The following SDK1 variants were observed in gnomAD, a reference collection of about 807,000 sequenced individuals.
The protein encoded by SDK1 is sidekick cell adhesion molecule 1, also known as protein sidekick-1.
A neutral mutation model predicts 245.5 loss-of-function variants in SDK1; 157 were observed. The ratio of observed to expected loss-of-function variants is 0.64; its 90% CI spans 0.56 to 0.73. The LOEUF is 0.73. Ranked by LOEUF, SDK1 falls within the 30% of genes least tolerant of loss-of-function variation. The pLI is 0.00. For missense variants in SDK1, 3,583 were observed against 3,002.3 expected (o/e 1.19, Z -4.52); for synonymous variants, 1,647 against 1,278.5 (o/e 1.29, Z -6.15).
intron 4 of SDK1, among the ~76,000 whole-genome samples, chr7:3,670,145 C>G (rs1378631521): frequency 6.6e-6 from 1 of 152,110 alleles, no homozygotes; most frequent in East Asian, 1.9e-4. Flanking sequence ...TTTATTTTGT[C>G]TTCTCTCTCC....
At chr7:3,361,203 C>T (rs182448029) in intron 1 of SDK1, among the ~76,000 whole-genome samples, 39 of 152,252 alleles carry the variant, frequency 2.6e-4, no homozygotes, top group African/African-American at 7.2e-4. Context: ...GTAAACTCTT[C>T]GGGAGATTGA....
chr7:3,653,286 A>C (rs1783064851), intron 4 of SDK1, among the ~76,000 whole-genome samples: 1 of 151,244 alleles, frequency 6.6e-6, no homozygotes, highest in Admixed American at 6.6e-5. Flanking sequence ...TTCCCTCCTC[A>C]CTCCAGGGTC....
At chr7:4,077,237 G>A (rs1395755584) in intron 21 of SDK1, 48 bp downstream of exon 21, 1 of 1,563,410 alleles carries the variant, frequency 6.4e-7, no homozygotes, top group Non-Finnish European at 8.7e-7. Flanking sequence ...TTCTCTTGGA[G>A]ATTCCCGAGG....
At position 3,951,817 on chromosome 7, in the gene SDK1, C is replaced by T. The variant is rs370124585; in HGVS notation, c.1047C>T (p.Ile349=). 1.2e-6 allele frequency: 2 copies of T among 1,613,764 alleles called. No individual in the cohort carries two copies. The highest frequency in any genetic ancestry group is 1.3e-5 in the African/African-American group (1 of 74,916). The change falls in exon 7 of 45, where the codon ATC becomes ATT. Residue 349 remains isoleucine, a synonymous_variant. Transcript: ENST00000404826. ...ACAGCTTTGGAAGACGCCTCACCAT[C>T]AGCAACCCGACGTCCGCGGACACCG... The part of the protein sequence containing the change: ...GLHSFGRRLT[I]SNPTSADTGP...
chr7:3,606,879 A>C (rs1296804343), intron 1 of SDK1, among the ~76,000 whole-genome samples: 1 of 152,170 alleles, frequency 6.6e-6, no homozygotes, highest in Non-Finnish European at 1.5e-5. Context: ...AACCAAAATA[A>C]CACAACTTAT....
intron 12 of SDK1, among the ~76,000 whole-genome samples, chr7:3,972,853 G>C (rs771624877): frequency 1.3e-5 from 2 of 152,198 alleles, no homozygotes; most frequent in Non-Finnish European, 2.9e-5. Context: ...GTTTAGGTAC[G>C]TGGGTGCCGA....
intron 4 of SDK1, among the ~76,000 whole-genome samples, chr7:3,817,029 T>A (rs1369289128): frequency 2.0e-5 from 3 of 152,194 alleles, no homozygotes; most frequent in African/African-American, 7.2e-5. Context: ...AAGTTATTAT[T>A]TTACTAAACA....
At chr7:4,257,673 TG>T (rs1787715085) in intron 44 of SDK1, among the ~76,000 whole-genome samples, 1 of 152,208 alleles carries the variant, frequency 6.6e-6, no homozygotes, top group Non-Finnish European at 1.5e-5. Flanking sequence ...AAAAGCCTCT[TG>T]GAGCCTCGTG....
chr7:4,130,424 C>G (rs1171726765), intron 27 of SDK1: 2 of 329,242 alleles, frequency 6.1e-6, no homozygotes, highest in African/African-American at 4.3e-5. Context: ...GGCAGGGGCT[C>G]CACACACTTC....
intron 4 of SDK1, among the ~76,000 whole-genome samples, chr7:3,685,188 C>G (rs1349122800): frequency 7.0e-6 from 1 of 143,722 alleles, no homozygotes; most frequent in East Asian, 2.0e-4. Context: ...CAAGACACAT[C>G]ATAAATAAAC....
At chr7:3,805,666 T>C (rs1000423892) in intron 4 of SDK1, among the ~76,000 whole-genome samples, 2 of 152,174 alleles carry the variant, frequency 1.3e-5, no homozygotes, top group African/African-American at 2.4e-5. Context: ...CAGTAAGTGC[T>C]CAATAATTGT....
intron 4 of SDK1, among the ~76,000 whole-genome samples, chr7:3,659,117 C>A (rs992292201): frequency 5.9e-5 from 9 of 152,246 alleles, no homozygotes; most frequent in East Asian, 1.9e-4. Flanking sequence ...TTGTCTTTTT[C>A]GCTTTCTTTT....
intron 4 of SDK1, among the ~76,000 whole-genome samples, chr7:3,738,949 T>A (rs1316215316): frequency 6.6e-6 from 1 of 151,154 alleles, no homozygotes; most frequent in Non-Finnish European, 1.5e-5. Context: ...ATGTATAAGA[T>A]CAATTATTTT....
chr7:4,138,167 G>C (rs190941972), intron 28 of SDK1, among the ~76,000 whole-genome samples: 1 of 152,176 alleles, frequency 6.6e-6, no homozygotes, highest in Non-Finnish European at 1.5e-5. Flanking sequence ...TCTGCAATTA[G>C]CAGGGATGCC....
rs148818130 is a variant in SDK1 at position 3,303,463 on chromosome 7, T to A, written c.298+1579T>A. On this transcript the variant is annotated intron_variant, in intron 1 of 44. Coordinates refer to ENST00000404826, the MANE Select transcript of SDK1 (RefSeq NM_152744.4). ...TTGTTTTGAAGTATATTACATAGAT[T>A]TCAAGTTTTTATCAGTTGCACTTTG... Among the ~76,000 whole-genome samples the A allele has an allele frequency of 4.4e-3, 672 of 152,342 alleles. 7 individuals are homozygous for A. The highest frequency in any genetic ancestry group is 0.015 in the African/African-American group (617 of 41,576).
chr7:3,382,165 C>G (rs1381395944), intron 1 of SDK1, among the ~76,000 whole-genome samples: 3 of 151,460 alleles, frequency 2.0e-5, no homozygotes, highest in East Asian at 1.9e-4. Context: ...GAGACAGGGT[C>G]TACCTTTGTT....
intron 1 of SDK1, among the ~76,000 whole-genome samples, chr7:3,541,633 T>C (rs1409076295): frequency 6.6e-6 from 1 of 152,222 alleles, no homozygotes; most frequent in Non-Finnish European, 1.5e-5. Context: ...ATTTGGTATT[T>C]ATTTTTCTCT....
At chr7:3,991,735 C>A (rs1054474713) in intron 14 of SDK1, among the ~76,000 whole-genome samples, 1 of 152,158 alleles carries the variant, frequency 6.6e-6, no homozygotes, top group South Asian at 2.1e-4. Context: ...TGGTTGCCTC[C>A]TGCCTGTTCT....
intron 40 of SDK1, among the ~76,000 whole-genome samples, chr7:4,231,956 A>G (rs2128235484): frequency 6.6e-6 from 1 of 152,238 alleles, no homozygotes; most frequent in East Asian, 1.9e-4. Context: ...CCTGCTTTGT[A>G]AAAGATCTCA....
Sources: gnomAD v4.1 joint callset for allele counts (sites outside exome capture counted in the v4.1 genomes callset) on GRCh38, gnomAD v4.1.1 for gene constraint, MANE v1.5 for transcripts, NCBI Gene and HGNC (gene_info 2026-07-23, HGNC 2026-07-21) for gene names.